The following IMPG1 variants were observed in gnomAD, a reference collection of about 807,000 sequenced individuals.
IMPG1 encodes interphotoreceptor matrix proteoglycan 1, also known as interphotoreceptor matrix proteoglycan of 150 kDa.
Under a neutral mutation model 92.0 loss-of-function variants are expected in IMPG1, and 85 were observed. The observed-to-expected ratio is 0.92, with a 90% CI of 0.78 to 1.11. IMPG1 has a LOEUF of 1.11. Ranked by LOEUF, IMPG1 falls within the 50% of genes least tolerant of loss-of-function variation. IMPG1 has a pLI of 0.00. For synonymous variants in IMPG1, 367 were observed against 334.1 expected (o/e 1.10, Z -1.08); for missense variants, 1,022 against 956.0 (o/e 1.07, Z -0.91).
In IMPG1 at chr6:75,994,181, GAAACA is replaced by G. The variant is rs375935446; in HGVS notation, c.1291+8732_1291+8736del. ...GCCAAACACCCAAAACTGAAATTGG[GAAACA>G]AAACAAAACAAAAGTCACTGGGCCG... On this transcript the variant is annotated intron_variant, in intron 12 of 16. Coordinates refer to ENST00000369950, the MANE Select transcript of IMPG1 (RefSeq NM_001563.4). Among the ~76,000 whole-genome samples the G allele has an allele frequency of 3.0e-4, 45 of 152,242 alleles. 1 individual carries two copies. Among genetic ancestry groups the G allele is most frequent in the African/African-American group, 9.9e-4 (41 of 41,542 alleles).
intron 12 of IMPG1, among the ~76,000 whole-genome samples, chr6:75,955,454 C>G (rs1441563392): frequency 6.6e-6 from 1 of 152,122 alleles, no homozygotes; most frequent in Non-Finnish European, 1.5e-5. Context: ...GATTTTTGCA[C>G]ATTGATTTTG....
intron 5 of IMPG1, 47 bp downstream of exon 5, chr6:76,025,147 T>A (rs1055688042): frequency 1.9e-6 from 2 of 1,047,174 alleles, no homozygotes; most frequent in African/African-American, 1.6e-5. Context: ...GCTATCATGA[T>A]GATTTGAATG....
chr6:75,961,995 G>A (rs1484149173), intron 12 of IMPG1, among the ~76,000 whole-genome samples: 1 of 151,758 alleles, frequency 6.6e-6, no homozygotes, highest in African/African-American at 2.4e-5. Flanking sequence ...AGGGGACTTT[G>A]AAATACACAG....
At chr6:75,974,669 C>A (rs1233080992) in intron 12 of IMPG1, among the ~76,000 whole-genome samples, 3 of 151,464 alleles carry the variant, frequency 2.0e-5, no homozygotes, top group African/African-American at 7.3e-5. Context: ...GTGCCTGCAA[C>A]CATGCCTGGC....
intron 1 of IMPG1, among the ~76,000 whole-genome samples, chr6:76,043,351 C>T (rs1013657957): frequency 6.6e-6 from 1 of 152,068 alleles, no homozygotes; most frequent in Non-Finnish European, 1.5e-5. Context: ...AAGGGGAATC[C>T]AAGCAGGATA....
At chr6:75,944,217 C>T (rs1348099965) in intron 14 of IMPG1, among the ~76,000 whole-genome samples, 1 of 152,140 alleles carries the variant, frequency 6.6e-6, no homozygotes, top group Non-Finnish European at 1.5e-5. Flanking sequence ...CCCTGTGCCC[C>T]CCTCTATTCC....
At chr6:75,987,727 C>T (rs1342534080) in intron 12 of IMPG1, among the ~76,000 whole-genome samples, 1 of 151,346 alleles carries the variant, frequency 6.6e-6, no homozygotes, top group Admixed American at 6.6e-5. Flanking sequence ...TCACTGCAAA[C>T]TCCGCCTCCC....
chr6:76,039,282 G>A (rs1318772497), intron 2 of IMPG1, among the ~76,000 whole-genome samples: 1 of 151,992 alleles, frequency 6.6e-6, no homozygotes, highest in Non-Finnish European at 1.5e-5. Flanking sequence ...ACAACATGGA[G>A]TAGAAAGAAC....
chr6:75,996,711 A>T (rs1175773207), intron 12 of IMPG1, among the ~76,000 whole-genome samples: 1 of 152,192 alleles, frequency 6.6e-6, no homozygotes, highest in African/African-American at 2.4e-5. Context: ...ACATGTCAAG[A>T]CAGGACAGCT....
At chr6:76,005,652 G>A (rs1381246891) in intron 9 of IMPG1, 118 bp from the exon 10 acceptor site, 11 of 940,058 alleles carry the variant, frequency 1.2e-5, no homozygotes, top group South Asian at 8.1e-5. Context: ...TGATGGGCTC[G>A]GAGAGAATAT....
At position 75,935,236 on chromosome 6, in the gene IMPG1, G is replaced by T. The variant is rs142651180; in HGVS notation, c.2045-4085C>A. Among the ~76,000 whole-genome samples the T allele has an allele frequency of 6.2e-4, 95 of 152,344 alleles. 1 individual carries two copies. Among genetic ancestry groups the T allele is most frequent in the Admixed American group, 1.3e-3 (20 of 15,308 alleles). On this transcript the variant is annotated intron_variant, in intron 14 of 16. Coordinates refer to ENST00000369950, the MANE Select transcript of IMPG1 (RefSeq NM_001563.4). ...AGGTCTGCAAGGGATTCACGCGGTAGCAGGAGCAGCTCCAGGGGACTGCTG... is the reference window on the plus strand; with the variant it reads ...AGGTCTGCAAGGGATTCACGCGGTATCAGGAGCAGCTCCAGGGGACTGCTG...
chr6:76,005,039 A>T (rs1163954225), intron 10 of IMPG1, among the ~76,000 whole-genome samples: 1 of 152,166 alleles, frequency 6.6e-6, no homozygotes, highest in African/African-American at 2.4e-5. Context: ...TCCGCAGTTG[A>T]CTTGGACTGA....
chr6:75,993,538 G>C (rs750539177), intron 12 of IMPG1, among the ~76,000 whole-genome samples: 1 of 151,910 alleles, frequency 6.6e-6, no homozygotes, highest in Non-Finnish European at 1.5e-5. Context: ...GAAAGGGAGA[G>C]AGAAATCATC....
At position 76,025,216 on chromosome 6, in the gene IMPG1, A is replaced by G; in HGVS notation, c.540T>C (p.Gly180=). 1.2e-6 allele frequency: 2 copies of G among 1,603,294 alleles called. No homozygotes were observed. The highest frequency in any genetic ancestry group is 1.1e-5 in the South Asian group (1 of 90,402). Residue 180 remains glycine (G), a synonymous_variant, in exon 5 of 17, where the codon GGT becomes GGC. Coordinates refer to ENST00000369950, the MANE Select transcript of IMPG1 (RefSeq NM_001563.4). The part of the protein sequence containing the change: ...ISAEKTLGEP[G]ETIVISTDVA... ...TACCTGTTGAAATGACAATGGTTTC[A>G]CCAGGCTCTCCCAATGTCTTCTCTG... is the stretch of plus-strand genomic sequence containing the variant.
intron 7 of IMPG1, among the ~76,000 whole-genome samples, chr6:76,017,471 A>G (rs1485042203): frequency 6.6e-6 from 1 of 152,198 alleles, no homozygotes; most frequent in Non-Finnish European, 1.5e-5. Flanking sequence ...TTATATAAAG[A>G]CAAAGTATTA....
chr6:75,982,687 A>T (rs1489340698), intron 12 of IMPG1, among the ~76,000 whole-genome samples: 1 of 151,840 alleles, frequency 6.6e-6, no homozygotes, highest in East Asian at 1.9e-4. Context: ...AAGAATGCCC[A>T]AATAATGACT....
At chr6:76,061,527 G>A (rs1338053330) in intron 1 of IMPG1, among the ~76,000 whole-genome samples, 1 of 152,148 alleles carries the variant, frequency 6.6e-6, no homozygotes, top group Non-Finnish European at 1.5e-5. Context: ...GCAAGAAGTG[G>A]AGTGTCTTAA....
chr6:75,970,816 G>C (rs1424785314), intron 12 of IMPG1, among the ~76,000 whole-genome samples: 1 of 152,152 alleles, frequency 6.6e-6, no homozygotes, highest in Non-Finnish European at 1.5e-5. Flanking sequence ...TGTTTTTCCA[G>C]CTCTGATTTG....
intron 1 of IMPG1, among the ~76,000 whole-genome samples, chr6:76,067,079 T>C (rs550933328): frequency 6.6e-6 from 1 of 151,798 alleles, no homozygotes; most frequent in Non-Finnish European, 1.5e-5. Flanking sequence ...TATGCTTACA[T>C]GAAAAGATAG....
Sources: gnomAD v4.1 joint callset for allele counts (sites outside exome capture counted in the v4.1 genomes callset) on GRCh38, gnomAD v4.1.1 for gene constraint, MANE v1.5 for transcripts, NCBI Gene and HGNC (gene_info 2026-07-23, HGNC 2026-07-21) for gene names.